Variants in SLC28A3 observed in about 807,000 individuals in gnomAD.
SLC28A3 encodes solute carrier family 28 member 3, also known as concentrative Na(+)-nucleoside cotransporter 3.
A neutral mutation model predicts 84.2 loss-of-function variants in SLC28A3; 68 were observed. The observed-to-expected ratio is 0.81, with a 90% CI of 0.66 to 0.99. The LOEUF (loss-of-function observed/expected upper bound fraction) is 0.99. Ranked by LOEUF, SLC28A3 falls within the 50% of genes least tolerant of loss-of-function variation. The probability of loss-of-function intolerance (pLI) is 0.00; values close to 1 mark genes in which losing one functional copy is unlikely to be tolerated. For missense variants in SLC28A3, 712 were observed against 841.5 expected, an observed-to-expected ratio of 0.85 and a Z score of 1.90; for synonymous variants, 267 against 303.6, an observed-to-expected ratio of 0.88 and a Z score of 1.25.
chr9:84,312,607 C>T (rs867746423), intron 2 of SLC28A3, among the ~76,000 whole-genome samples: 29 of 148,858 alleles, frequency 1.9e-4, no homozygotes, highest in Admixed American at 6.1e-4. Context: ...GGTGCCATCT[C>T]GGCTCACTGC....
At chr9:84,309,548 A>AT in intron 3 of SLC28A3, 81 bp downstream of exon 3, 1 of 726,268 alleles carries the variant, frequency 1.4e-6, no homozygotes, top group Non-Finnish European at 2.1e-6. Context: ...AAAAAAAAAA[A>AT]GAAATCAAAT....
the SLC28A3 span, among the ~76,000 whole-genome samples, chr9:84,359,276 A>G: frequency 6.6e-6 from 1 of 152,340 alleles, no homozygotes; most frequent in Non-Finnish European, 1.5e-5. Flanking sequence ...CAAACTGATG[A>G]TCTTATAAAA....
chr9:84,339,406 T>C (rs1827084803), intron 1 of SLC28A3, among the ~76,000 whole-genome samples: 1 of 152,116 alleles, frequency 6.6e-6, no homozygotes, highest in South Asian at 2.1e-4. Context: ...TGTACCACCA[T>C]GCCCGGCTGA....
intron 2 of SLC28A3, among the ~76,000 whole-genome samples, chr9:84,311,438 C>T (rs1410902369): frequency 6.6e-6 from 1 of 152,108 alleles, no homozygotes; most frequent in Non-Finnish European, 1.5e-5. Flanking sequence ...GGACACATCA[C>T]CATCACCCAA....
intron 6 of SLC28A3, 69 bp from the exon 7 acceptor site, chr9:84,298,088 T>C (rs1472297806): frequency 4.1e-5 from 52 of 1,262,186 alleles, no homozygotes; most frequent in Non-Finnish European, 5.6e-5. Flanking sequence ...GAATGTCTAA[T>C]GGATCACTAT....
chr9:84,304,041 C>G (rs887342460), intron 4 of SLC28A3, among the ~76,000 whole-genome samples: 2 of 152,216 alleles, frequency 1.3e-5, no homozygotes, highest in African/African-American at 4.8e-5. Context: ...AGGCTGCAAC[C>G]CTTTATGACT....
At position 84,305,325 on chromosome 9, in the gene SLC28A3, TCATA is replaced by T; in HGVS notation, c.259_262del (p.Tyr87ThrfsTer23). The T allele has an allele frequency of 6.2e-7, 1 of 1,613,056 alleles. No individual in the cohort carries two copies. Among genetic ancestry groups the T allele is most frequent in the South Asian group, 1.1e-5 (1 of 90,576 alleles). On this transcript the variant is annotated frameshift_variant, in exon 4 of 18. Coordinates refer to ENST00000376238, the MANE Select transcript of SLC28A3 (RefSeq NM_001199633.2). LOFTEE classifies it high-confidence loss of function. ...TTTCCTACAGAAACCACATACTGTG[TCATA>T]CCTCCTTTCCAAACACCTGCAACAT...
intron 2 of SLC28A3, among the ~76,000 whole-genome samples, chr9:84,312,965 G>A (rs1038378499): frequency 2.0e-5 from 3 of 152,128 alleles, no homozygotes; most frequent in African/African-American, 7.2e-5. Flanking sequence ...AGAGTCCCTC[G>A]GACTGGTATA....
At chr9:84,361,083 G>C in the SLC28A3 span, among the ~76,000 whole-genome samples, 2 of 151,356 alleles carry the variant, frequency 1.3e-5, no homozygotes, top group Non-Finnish European at 2.9e-5. Flanking sequence ...CGGTGGCTCA[G>C]GCCTGTAATC....
At chr9:84,348,702 G>A in the SLC28A3 span, among the ~76,000 whole-genome samples, 3 of 152,142 alleles carry the variant, frequency 2.0e-5, no homozygotes, top group African/African-American at 4.8e-5. Flanking sequence ...CCTCATAAAT[G>A]GATTAATGTG....
At chr9:84,285,312 G>T in intron 14 of SLC28A3, 33 bp downstream of exon 14, 1 of 1,598,258 alleles carries the variant, frequency 6.3e-7, no homozygotes, top group South Asian at 1.1e-5. Flanking sequence ...ATGTGATGAA[G>T]AAATGTACTG....
chr9:84,352,917 CTTA>C, the SLC28A3 span, among the ~76,000 whole-genome samples: 5 of 134,074 alleles, frequency 3.7e-5, no homozygotes, highest in Non-Finnish European at 4.7e-5. Flanking sequence ...AAAAAAAAAC[CTTA>C]TTAAGATGAT....
intron 6 of SLC28A3, 134 bp from the exon 7 acceptor site, chr9:84,298,153 C>T: frequency 1.4e-6 from 1 of 722,406 alleles, no homozygotes; most frequent in East Asian, 2.8e-5. Flanking sequence ...TGGGAGGCTA[C>T]AGCTGTCATA....
the SLC28A3 span, among the ~76,000 whole-genome samples, chr9:84,363,423 T>G: frequency 0.044 from 6,656 of 152,254 alleles, 202 homozygotes; most frequent in African/African-American, 0.089. Flanking sequence ...AGATTCCTCT[T>G]TACTGGACTA....
chr9:84,325,534 G>A (rs1480429481), intron 1 of SLC28A3, among the ~76,000 whole-genome samples: 85 of 152,320 alleles, frequency 5.6e-4, no homozygotes, highest in Non-Finnish European at 5.9e-5. Flanking sequence ...GTGTTGGTTT[G>A]CCATTGTTTA....
chr9:84,330,838 A>C (rs1826756837), intron 1 of SLC28A3, among the ~76,000 whole-genome samples: 1 of 152,200 alleles, frequency 6.6e-6, no homozygotes, highest in African/African-American at 2.4e-5. Flanking sequence ...AGTTATACCT[A>C]CTTTATTTTG....
chr9:84,289,035 A>G (rs1370447651), intron 11 of SLC28A3, among the ~76,000 whole-genome samples: 1 of 151,800 alleles, frequency 6.6e-6, no homozygotes, highest in African/African-American at 2.4e-5. Flanking sequence ...TGTTTTCTTT[A>G]TTGCAGGTCC....
intron 1 of SLC28A3, among the ~76,000 whole-genome samples, chr9:84,321,852 C>T (rs922490140): frequency 8.6e-5 from 13 of 151,676 alleles, no homozygotes; most frequent in Non-Finnish European, 8.8e-5. Flanking sequence ...GAGTTTGAGA[C>T]CAGCCTGGCC....
upstream of SLC28A3, among the ~76,000 whole-genome samples, chr9:84,340,901 G>C (rs1277748774): frequency 6.6e-6 from 1 of 151,726 alleles, no homozygotes; most frequent in African/African-American, 2.4e-5. Flanking sequence ...CCCATTTTTG[G>C]CATCCTATTT....
Sources: gnomAD v4.1 joint callset for allele counts (sites outside exome capture counted in the v4.1 genomes callset) on GRCh38, gnomAD v4.1.1 for gene constraint, MANE v1.5 for transcripts, NCBI Gene and HGNC (gene_info 2026-07-23, HGNC 2026-07-21) for gene names.